The following RPS6KC1 variants were observed in gnomAD, a reference collection of about 807,000 sequenced individuals.
RPS6KC1 encodes the protein ribosomal protein S6 kinase C1.
Under a neutral mutation model 103.8 loss-of-function variants are expected in RPS6KC1, and 54 were observed. That is an observed-to-expected ratio of 0.52 (90% CI 0.42 to 0.65). The LOEUF (loss-of-function observed/expected upper bound fraction) is 0.65, where lower values mean the gene tolerates loss of function less well. RPS6KC1 is among the 30% of genes least tolerant of loss of function. RPS6KC1 has a pLI of 0.00. For synonymous variants in RPS6KC1, 439 were observed against 438.7 expected (o/e 1.00, Z -0.01); for missense variants, 1,151 against 1,253.8 (o/e 0.92, Z 1.24).
chr1:213,232,050 C>T, intron 9 of RPS6KC1, 73 bp from the exon 10 acceptor site: 1 of 1,574,944 alleles, frequency 6.3e-7, no homozygotes, highest in South Asian at 1.1e-5. Flanking sequence ...TTGATAAACA[C>T]AGAGCACAGC....
At chr1:213,391,696 G>A in the RPS6KC1 span, among the ~76,000 whole-genome samples, 1 of 152,132 alleles carries the variant, frequency 6.6e-6, no homozygotes, top group Non-Finnish European at 1.5e-5. Flanking sequence ...TAGAATCATA[G>A]CACCTATTTT....
chr1:213,241,807 T>G lies in RPS6KC1; in HGVS notation c.2331T>G (p.Phe777Leu). 1 of 1,613,992 alleles carries G rather than the reference T, an allele frequency of 6.2e-7. No individual in the cohort carries two copies. Among genetic ancestry groups the G allele is most frequent in the Non-Finnish European group, 8.5e-7 (1 of 1,179,924 alleles). ...HYAQEDPRML[F>L]VAAVDHSSSG... The stretch of plus-strand genomic sequence containing the variant: ...CACAGGAGGATCCCAGGATGTTATT[T>G]GTAGCAGCTGTTGATCATAGTAGTT... Residue 777 changes from phenylalanine to leucine, a missense_variant, in exon 11 of 15, where the codon TTT becomes TTG. Phe to Leu is a conservative substitution (Grantham distance 22). Transcript: ENST00000366960.
intron 7 of RPS6KC1, among the ~76,000 whole-genome samples, chr1:213,172,166 A>T (rs1001488915): frequency 1.3e-5 from 2 of 152,226 alleles, no homozygotes; most frequent in African/African-American, 2.4e-5. Context: ...GGTGGTGCAC[A>T]TAAAATTTAA....
the RPS6KC1 span, among the ~76,000 whole-genome samples, chr1:213,769,831 T>TAA: frequency 6.6e-6 from 1 of 151,612 alleles, no homozygotes; most frequent in Non-Finnish European, 1.5e-5. Flanking sequence ...TGACAAGATT[T>TAA]AAAAAAAAAT....
intron 12 of RPS6KC1, among the ~76,000 whole-genome samples, chr1:213,257,534 C>T (rs1558645435): frequency 6.6e-6 from 1 of 152,150 alleles, no homozygotes. Flanking sequence ...GTCACCATAC[C>T]CAAATAAGTT....
intron 1 of RPS6KC1, among the ~76,000 whole-genome samples, chr1:213,067,884 A>G (rs1164583166): frequency 6.6e-6 from 1 of 152,190 alleles, no homozygotes; most frequent in Non-Finnish European, 1.5e-5. Flanking sequence ...CATGTATTTG[A>G]TTTCCAGGAC....
At chr1:213,266,939 CAAACAAAA>C (rs2094926596) in intron 14 of RPS6KC1, among the ~76,000 whole-genome samples, 2 of 72,982 alleles carry the variant, frequency 2.7e-5, no homozygotes, top group South Asian at 4.9e-4. Flanking sequence ...AACAAACAAA[CAAACAAAA>C]AACAGCCGAA....
the RPS6KC1 span, among the ~76,000 whole-genome samples, chr1:213,316,591 A>C: frequency 6.6e-6 from 1 of 152,218 alleles, no homozygotes; most frequent in African/African-American, 2.4e-5. Context: ...GGCCTTGTAA[A>C]GCTTTCATTT....
At chr1:213,819,919 A>G in the RPS6KC1 span, 1 of 152,220 alleles carries the variant, frequency 6.6e-6, no homozygotes, top group Non-Finnish European at 1.5e-5. Context: ...TGACCCATTC[A>G]TCCTCATTTA....
At chr1:213,236,588 G>T (rs912209853) in intron 10 of RPS6KC1, among the ~76,000 whole-genome samples, 2 of 152,016 alleles carry the variant, frequency 1.3e-5, no homozygotes, top group Admixed American at 1.3e-4. Context: ...AGAAAGGTGG[G>T]GAAACAAAAT....
chr1:213,055,510 A>C (rs551489171), intron 1 of RPS6KC1, among the ~76,000 whole-genome samples: 1 of 152,330 alleles, frequency 6.6e-6, no homozygotes, highest in African/African-American at 2.4e-5. Flanking sequence ...GGACATTATG[A>C]ATACAGCTAT....
chr1:213,051,552 C>G, intron 1 of RPS6KC1, 43 bp downstream of exon 1: 1 of 1,423,280 alleles, frequency 7.0e-7, no homozygotes, highest in Non-Finnish European at 9.8e-7. Context: ...GGATTGGGAC[C>G]TGAGGATCTG....
the RPS6KC1 span, among the ~76,000 whole-genome samples, chr1:213,794,900 G>A: frequency 6.6e-6 from 1 of 152,108 alleles, no homozygotes; most frequent in Non-Finnish European, 1.5e-5. Context: ...AGTTGATTTA[G>A]GCCTCCCAAA....
the RPS6KC1 span, among the ~76,000 whole-genome samples, chr1:213,857,620 A>G: frequency 1.3e-5 from 2 of 152,222 alleles, no homozygotes; most frequent in African/African-American, 4.8e-5. Context: ...AAACTTTCAA[A>G]CCAACCAGGG....
chr1:213,522,325 G>A, the RPS6KC1 span, among the ~76,000 whole-genome samples: 2 of 152,198 alleles, frequency 1.3e-5, no homozygotes, highest in African/African-American at 4.8e-5. Context: ...ATAAACAGAT[G>A]TGCTGTCATC....
At chr1:213,136,415 G>A (rs994449827) in intron 6 of RPS6KC1, among the ~76,000 whole-genome samples, 3 of 152,088 alleles carry the variant, frequency 2.0e-5, no homozygotes, top group Non-Finnish European at 4.4e-5. Flanking sequence ...GCATAACCAT[G>A]GAATGTGGAA....
chr1:213,352,070 C>T, the RPS6KC1 span, among the ~76,000 whole-genome samples: 1 of 151,742 alleles, frequency 6.6e-6, no homozygotes, highest in Non-Finnish European at 1.5e-5. Context: ...AGGAAAGAAG[C>T]AAGGCAAAAA....
At chr1:213,608,972 A>C in the RPS6KC1 span, among the ~76,000 whole-genome samples, 5 of 152,140 alleles carry the variant, frequency 3.3e-5, no homozygotes, top group Non-Finnish European at 5.9e-5. Context: ...GACATTTATA[A>C]TTTTTTTACA....
the RPS6KC1 span, among the ~76,000 whole-genome samples, chr1:213,485,064 C>T: frequency 3.3e-5 from 5 of 152,236 alleles, no homozygotes; most frequent in East Asian, 9.7e-4. Flanking sequence ...CAGGGTCCCA[C>T]TAAGTTGCCC....
Sources: allele counts gnomAD v4.1 joint callset (sites outside exome capture counted in the v4.1 genomes callset), GRCh38; gene constraint gnomAD v4.1.1; transcripts MANE v1.5; gene names NCBI Gene and HGNC (gene_info 2026-07-23, HGNC 2026-07-21).